The following OGT variants were observed in gnomAD, a reference collection of about 807,000 sequenced individuals.
OGT encodes the protein UDP-N-acetylglucosamine--peptide N-acetylglucosaminyltransferase 110 kDa subunit.
OGT carries 3 observed loss-of-function variants against 75.8 expected under a neutral mutation model. The ratio of observed to expected loss-of-function variants is 0.04; its 90% CI spans 0.02 to 0.10. OGT has a LOEUF of 0.10. OGT is among the 10% of genes least tolerant of loss of function. OGT has a pLI of 1.00. For missense variants in OGT, 260 were observed against 824.4 expected (o/e 0.32, Z 8.38); for synonymous variants, 257 against 289.7 (o/e 0.89, Z 1.15).
chrX:71,538,678 C>A (rs1427209644), intron 3 of OGT, among the ~76,000 whole-genome samples: 1 of 112,008 alleles, frequency 8.9e-6, no homozygotes, highest in Admixed American at 9.5e-5. Context: ...ACCTTAAATT[C>A]ATACTGTGTT....
intron 3 of OGT, among the ~76,000 whole-genome samples, chrX:71,541,667 G>A (rs1458638344): frequency 9.0e-6 from 1 of 111,628 alleles, no homozygotes; most frequent in African/African-American, 3.3e-5. Context: ...AGAAGTGAAT[G>A]TAGTAGAGGA....
chrX:71,552,219 A>G (rs1379743957), intron 5 of OGT, among the ~76,000 whole-genome samples: 1 of 109,055 alleles, frequency 9.2e-6, no homozygotes, highest in Non-Finnish European at 1.9e-5. Context: ...AGTGAGTGAC[A>G]CTCCGTCTCC....
In OGT at chrX:71,561,876, T is replaced by C. The variant is rs370997825; in HGVS notation, c.1953T>C (p.Phe651=). ...GYTKGARNEL[F]ALRPAPIQAM... is the part of the protein sequence containing the mutation. ...CTAAGGGCGCTCGAAATGAGCTTTT[T>C]GCTCTCAGGCCAGCTCCTATTCAGG... Residue 651 remains phenylalanine, a synonymous_variant, in exon 15 of 22, where the codon TTT becomes TTC. Coordinates refer to ENST00000373719, the MANE Select transcript of OGT (RefSeq NM_181672.3). The C allele has an allele frequency of 5.7e-5, 69 of 1,204,468 alleles. No individual in the cohort carries two copies. In the African/African-American group the frequency reaches 1.1e-3, roughly 19 times the overall value.
chrX:71,536,962 GTTTT>G (rs1195640430), intron 2 of OGT: 101 of 122,296 alleles, frequency 8.3e-4, no homozygotes, highest in Non-Finnish European at 1.0e-3. Flanking sequence ...AATGTGGTGG[GTTTT>G]TTTTTTTTTT....
intron 4 of OGT, chrX:71,546,874 A>G (rs1330440222): frequency 1.3e-6 from 1 of 753,915 alleles, no homozygotes; most frequent in Non-Finnish European, 1.6e-6. Context: ...AATCTGATTG[A>G]CTGGCTCCCT....
chrX:71,542,355 T>C (rs1260954896), intron 3 of OGT, among the ~76,000 whole-genome samples: 1 of 112,052 alleles, frequency 8.9e-6, no homozygotes, highest in Non-Finnish European at 1.9e-5. Flanking sequence ...ACAGGAGAAT[T>C]GGATTTCACC....
At chrX:71,539,427 C>G (rs1257606770) in intron 3 of OGT, among the ~76,000 whole-genome samples, 1 of 111,606 alleles carries the variant, frequency 9.0e-6, no homozygotes, top group African/African-American at 3.3e-5. Context: ...TGGGCTCAAG[C>G]AGTCCTCCTG....
intron 3 of OGT, among the ~76,000 whole-genome samples, chrX:71,538,417 G>T (rs754381068): frequency 2.0e-4 from 22 of 112,096 alleles, no homozygotes; most frequent in African/African-American, 7.1e-4. Context: ...TTCAAGGAAT[G>T]GTGGATAATG....
rs772548440 is a variant in OGT, at chrX:71,573,866, A to G, written c.*72A>G. 40 of 857,486 alleles carry G rather than the reference A, an allele frequency of 4.7e-5. No homozygotes were observed. Among genetic ancestry groups the G allele is most frequent in the Non-Finnish European group, 6.3e-5 (39 of 621,204 alleles). 70.7% of individuals were successfully genotyped at this position (857,486 alleles called of 1,213,427 possible). A position where few individuals can be genotyped will look rare whatever the true frequency, so the allele number is the denominator to read the frequency against. ...TCTGGGGGAAAGGGAACTAGATAAC[A>G]TACTTCTTACTTGTCTGTACAGTAC... is the stretch of plus-strand genomic sequence containing the variant. On this transcript the variant is annotated 3_prime_UTR_variant, in exon 22 of 22. Transcript: ENST00000373719.
chrX:71,567,407 T>C, intron 19 of OGT, 93 bp from the exon 20 acceptor site: 1 of 744,768 alleles, frequency 1.3e-6, no homozygotes, highest in Non-Finnish European at 1.9e-6. Context: ...ATGGAAAGAA[T>C]AGAGTGTGGT....
In OGT at chrX:71,533,142, C is replaced by T. The variant is rs1414287179; in HGVS notation, c.-158C>T. The T allele has an allele frequency of 2.0e-6, 1 of 501,363 alleles. No individual in the cohort carries two copies. The highest frequency in any genetic ancestry group is 3.7e-5 in the East Asian group (1 of 27,143). 41.3% of individuals were successfully genotyped at this position (501,363 alleles called of 1,213,427 possible). On this transcript the variant is annotated 5_prime_UTR_variant, in exon 1 of 22. Coordinates refer to ENST00000373719, the MANE Select transcript of OGT (RefSeq NM_181672.3). ...ACTAGGTAGATGGTCAATTAGAGTT[C>T]CCAGGGTTTGAAGCCTGTAACTGCT...
At position 71,539,362 on chromosome X, in the gene OGT, AT is replaced by A. The variant is rs764657376; in HGVS notation, c.462+1299del. On this transcript the variant is annotated intron_variant, in intron 3 of 21. Coordinates refer to ENST00000373719, the MANE Select transcript of OGT (RefSeq NM_181672.3). ...TAGAAAATCCATTGCTTTAAAAAACATTTTTTTTTAAGAGATGGAGTCTTGC... is the reference window on the plus strand; with the variant it reads ...TAGAAAATCCATTGCTTTAAAAAACATTTTTTTTAAGAGATGGAGTCTTGC... 3.2e-3 allele frequency among the ~76,000 whole-genome samples: 356 copies of A among 110,650 alleles called. 3 individuals carry two copies. Among genetic ancestry groups the A allele is most frequent in the Middle Eastern group, 0.024 (5 of 211 alleles).
intron 12 of OGT, among the ~76,000 whole-genome samples, chrX:71,558,250 C>T (rs1181938324): frequency 1.8e-5 from 2 of 110,548 alleles, no homozygotes; most frequent in Non-Finnish European, 3.8e-5. Flanking sequence ...CGCGCCTGGC[C>T]AGCCATCATG....
At chrX:71,534,244 C>G (rs894873526) in intron 1 of OGT, 2 of 111,635 alleles carry the variant, frequency 1.8e-5, no homozygotes, top group Admixed American at 1.9e-4. Flanking sequence ...AGCCCAGTAT[C>G]TCTTTATTCA....
intron 2 of OGT, among the ~76,000 whole-genome samples, chrX:71,537,448 C>T (rs2040186963): frequency 9.0e-6 from 1 of 111,123 alleles, no homozygotes; most frequent in Non-Finnish European, 1.9e-5. Flanking sequence ...ATTACAGGCG[C>T]CTGCCATCAT....
Position 71,563,176 on chromosome X carries a change from A to G in OGT, c.2195A>G (p.Asn732Ser), listed in dbSNP as rs2040395307. The change falls in exon 17 of 22, where the codon AAT becomes AGT. Residue 732 changes from asparagine (N) to serine (S), a missense_variant. Around this residue, in one of 6 missense-constraint regions of OGT, gnomAD observed 79 missense variants for 141.0 expected, o/e 0.56. Transcript: ENST00000373719. ...DFKSNGHIYD[N>S]RIVLNGIDLK... The stretch of plus-strand genomic sequence containing the variant: ...AAGTCCAATGGGCACATTTATGACA[A>G]TCGGATAGTTCTGAATGGCATCGAC... The G allele has an allele frequency of 1.7e-6, 2 of 1,211,873 alleles. No homozygotes were observed. The highest frequency in any genetic ancestry group is 1.1e-6 in the Non-Finnish European group (1 of 895,326).
rs1205450090 is a variant in OGT at position 71,533,610 on chromosome X, C to A, written c.37+274C>A. Among the ~76,000 whole-genome samples the A allele has an allele frequency of 4.5e-5, 5 of 111,459 alleles. 1 individual carries two copies. The Admixed American group carries it at 4.8e-4, about 11-fold the overall frequency. The stretch of plus-strand genomic sequence containing the variant: ...GTTCTAGCATTCCACTCTCTCCAGG[C>A]GCTTTTATCACACGTGCGCGCTTAG... On this transcript the variant is annotated intron_variant, in intron 1 of 21. Transcript: ENST00000373719.
At position 71,567,604 on chromosome X, in the gene OGT, C is replaced by T; in HGVS notation, c.2694C>T (p.Asn898=). 1.7e-6 allele frequency: 2 copies of T among 1,211,088 alleles called. No individual in the cohort carries two copies. The highest frequency in any genetic ancestry group is 2.3e-4 in the Middle Eastern group (1 of 4,352). Residue 898 remains asparagine (N), a synonymous_variant, in exon 20 of 22, where the codon AAC becomes AAT. Coordinates refer to ENST00000373719, the MANE Select transcript of OGT (RefSeq NM_181672.3). ...QYAQNMGLPQ[N]RIIFSPVAPK... ...CACAAAACATGGGCCTGCCCCAGAA[C>T]CGTATCATTTTTTCACCTGTTGCTC...
chrX:71,563,113 A>G lies in OGT; in HGVS notation c.2149-17A>G. 1 of 1,201,530 alleles carries G rather than the reference A, an allele frequency of 8.3e-7. No individual in the cohort carries two copies. ...GTAAATCCTAAAAGACATGTCTGAA[A>G]CTATTTTTTCCATTAGAAAAAAGCA... On this transcript the variant is annotated splice_polypyrimidine_tract_variant and intron_variant, in intron 16 of 21. Coordinates refer to ENST00000373719, the MANE Select transcript of OGT (RefSeq NM_181672.3).
Sources: allele counts gnomAD v4.1 joint callset (sites outside exome capture counted in the v4.1 genomes callset), GRCh38; gene constraint gnomAD v4.1.1; regional missense constraint gnomAD v4.1.1; transcripts MANE v1.5; gene names NCBI Gene and HGNC (gene_info 2026-07-23, HGNC 2026-07-21).